Variants in LRRC37A3 observed in about 807,000 individuals in gnomAD.
LRRC37A3 encodes the protein leucine-rich repeat-containing protein 37A3.
In LRRC37A3, 25 loss-of-function variants were observed where a neutral mutation model predicts 106.2. The observed-to-expected ratio is 0.24, with a 90% CI of 0.17 to 0.33. The LOEUF (loss-of-function observed/expected upper bound fraction) is 0.33. Ranked by LOEUF, LRRC37A3 falls within the 10% of genes least tolerant of loss-of-function variation. The probability of loss-of-function intolerance (pLI) is 1.00; values close to 1 mark genes in which losing one functional copy is unlikely to be tolerated. For synonymous variants in LRRC37A3, 305 were observed against 635.8 expected, an observed-to-expected ratio of 0.48 and a Z score of 7.83; for missense variants, 712 against 1,644.9, an observed-to-expected ratio of 0.43 and a Z score of 9.81.
chr17:64,916,544 A>G (rs1229146449), intron 2 of LRRC37A3, among the ~76,000 whole-genome samples: 1 of 150,228 alleles, frequency 6.7e-6, no homozygotes, highest in African/African-American at 2.4e-5. Flanking sequence ...TGGGAGGCCG[A>G]GGCAGGCAGA....
At position 64,919,441 on chromosome 17, in the gene LRRC37A3, C is replaced by T. The variant is rs138173527; in HGVS notation, c.-627G>A. The T allele has an allele frequency of 0.011, 5,134 of 477,318 alleles. 13 individuals are homozygous for T. The highest frequency in any genetic ancestry group is 0.015 in the Non-Finnish European group (3,939 of 268,502). 29.6% of individuals were successfully genotyped at this position (477,318 alleles called of 1,614,324 possible). A position where few individuals can be genotyped will look rare whatever the true frequency, so the allele number is the denominator to read the frequency against. On this transcript the variant is annotated 5_prime_UTR_variant, in exon 1 of 15. Coordinates refer to ENST00000584306, the MANE Select transcript of LRRC37A3 (RefSeq NM_199340.5). Reference sequence around the variant, plus strand: ...TGGCTGGGGCCTCACTGCGGATCGCCTTCAGCCGCCATCTTGTTTCTTCCG... The same window carrying T: ...TGGCTGGGGCCTCACTGCGGATCGCTTTCAGCCGCCATCTTGTTTCTTCCG...
intron 2 of LRRC37A3, among the ~76,000 whole-genome samples, chr17:64,899,349 G>A (rs1396730391): frequency 6.8e-6 from 1 of 146,940 alleles, no homozygotes; most frequent in Non-Finnish European, 1.5e-5. Context: ...GAACCTGGGA[G>A]GTGGAGGTTG....
Position 64,876,413 on chromosome 17 carries a change from G to A in LRRC37A3, c.2907-7247C>T, listed in dbSNP as rs553443110. ...TTGCCCTGGCTGGCCTTGAACTCCT[G>A]GGGTCAAGCAATCCTCCCACCGCAG... On this transcript the variant is annotated intron_variant, in intron 8 of 14. Coordinates refer to ENST00000584306, the MANE Select transcript of LRRC37A3 (RefSeq NM_199340.5). 3.3e-5 allele frequency among the ~76,000 whole-genome samples: 5 copies of A among 152,168 alleles called. No individual in the cohort carries two copies. In the East Asian group the frequency reaches 9.6e-4, roughly 29 times the overall value.
chr17:64,858,368 C>A (rs1972751094), intron 13 of LRRC37A3, among the ~76,000 whole-genome samples: 1 of 152,214 alleles, frequency 6.6e-6, no homozygotes. Flanking sequence ...TTTTGGCTCT[C>A]TCCTTCCTCT....
At chr17:64,919,002 C>CTGGTGCTGGGG in intron 1 of LRRC37A3, 132 bp from the exon 2 acceptor site, 4 of 1,222,432 alleles carry the variant, frequency 3.3e-6, no homozygotes, top group Non-Finnish European at 4.1e-6. Context: ...GGCCGGGGCG[C>CTGGTGCTGGGG]TGGTGCTGGG....
intron 2 of LRRC37A3, among the ~76,000 whole-genome samples, chr17:64,916,545 G>A (rs1598440134): frequency 6.6e-6 from 1 of 150,854 alleles, no homozygotes; most frequent in Non-Finnish European, 1.5e-5. Context: ...GGGAGGCCGA[G>A]GCAGGCAGAT....
intron 2 of LRRC37A3, among the ~76,000 whole-genome samples, chr17:64,911,162 G>A (rs1202350023): frequency 9.3e-5 from 14 of 151,274 alleles, no homozygotes; most frequent in Non-Finnish European, 1.9e-4. Context: ...AGCTTAAGAG[G>A]AGAAACAACC....
chr17:64,870,638 G>T (rs1009018804), intron 8 of LRRC37A3, among the ~76,000 whole-genome samples: 1 of 152,128 alleles, frequency 6.6e-6, no homozygotes, highest in Admixed American at 6.5e-5. Flanking sequence ...GCACAGAGAG[G>T]TTATATAACT....
chr17:64,865,453 C>T lies in LRRC37A3; in HGVS notation c.3054-2435G>A, dbSNP rs565429555. On this transcript the variant is annotated intron_variant, in intron 10 of 14. Coordinates refer to ENST00000584306, the MANE Select transcript of LRRC37A3 (RefSeq NM_199340.5). ...GCCCAAAATTTTTGTTATTCTTTTT[C>T]TGCCCCCAACTTTTTATTTTAAACA... is the stretch of plus-strand genomic sequence containing the variant. Among the ~76,000 whole-genome samples the T allele has an allele frequency of 1.4e-4, 22 of 152,324 alleles. No homozygotes were observed. In the South Asian group the frequency reaches 2.3e-3, roughly 16 times the overall value.
At chr17:64,878,002 T>C (rs949552123) in intron 8 of LRRC37A3, among the ~76,000 whole-genome samples, 2 of 152,112 alleles carry the variant, frequency 1.3e-5, no homozygotes, top group African/African-American at 4.8e-5. Flanking sequence ...ATTATAAGAA[T>C]TGATGCAAAA....
intron 8 of LRRC37A3, among the ~76,000 whole-genome samples, chr17:64,873,730 G>C (rs1368713213): frequency 6.6e-6 from 1 of 151,556 alleles, no homozygotes; most frequent in East Asian, 1.9e-4. Context: ...GGTTAATTGA[G>C]ATTGTTGACT....
At position 64,859,896 on chromosome 17, in the gene LRRC37A3, G is replaced by C. The variant is rs779916052; in HGVS notation, c.4250C>G (p.Thr1417Arg). ...NMPEGTISENTNYNHPPEADS... is the reference protein window; with the variant it reads ...NMPEGTISENRNYNHPPEADS... Reference sequence around the variant, plus strand: ...TGCCTCAGGAGGATGATTGTAGTTTGTGTTTTCAGAGATGGTTCCTTCTGG... The same window carrying C: ...TGCCTCAGGAGGATGATTGTAGTTTCTGTTTTCAGAGATGGTTCCTTCTGG... Residue 1417 changes from threonine (T) to arginine (R), a missense_variant, in exon 12 of 15, where the codon ACA (threonine) becomes AGA (arginine). Coordinates refer to ENST00000584306, the MANE Select transcript of LRRC37A3 (RefSeq NM_199340.5). 1 of 1,613,572 alleles carries C rather than the reference G, an allele frequency of 6.2e-7. No homozygotes were observed. Among genetic ancestry groups the C allele is most frequent in the Admixed American group, 1.7e-5 (1 of 60,008 alleles).
intron 11 of LRRC37A3, among the ~76,000 whole-genome samples, chr17:64,862,266 C>G (rs1182832853): frequency 6.6e-6 from 1 of 152,070 alleles, no homozygotes; most frequent in Non-Finnish European, 1.5e-5. Flanking sequence ...GCTAATAAAC[C>G]TAATCTACAA....
At chr17:64,916,505 G>A (rs1974703532) in intron 2 of LRRC37A3, among the ~76,000 whole-genome samples, 1 of 151,596 alleles carries the variant, frequency 6.6e-6, no homozygotes, top group Admixed American at 6.6e-5. Context: ...GGCCAGGCAT[G>A]GTGGCTCATG....
intron 12 of LRRC37A3, 102 bp downstream of exon 12, chr17:64,859,340 T>C (rs1014342750): frequency 3.1e-6 from 4 of 1,273,930 alleles, no homozygotes; most frequent in African/African-American, 1.5e-5. Context: ...ATGGCCAAGA[T>C]AAGCTATGGC....
rs546222488 is a variant in LRRC37A3 at position 64,865,776 on chromosome 17, C to T, written c.3053+2686G>A. ...CTTCATATTATCATTGTCTACTATG[C>T]GGTCCGTATACACATTTTCACAATT... On this transcript the variant is annotated intron_variant, in intron 10 of 14. Coordinates refer to ENST00000584306, the MANE Select transcript of LRRC37A3 (RefSeq NM_199340.5). Among the ~76,000 whole-genome samples, 573 of 152,292 alleles carry T rather than the reference C, an allele frequency of 3.8e-3. 4 individuals are homozygous for T. Among genetic ancestry groups the T allele is most frequent in the African/African-American group, 0.013 (530 of 41,554 alleles).
chr17:64,890,311 C>T (rs1477080299), intron 5 of LRRC37A3, among the ~76,000 whole-genome samples: 1 of 128,084 alleles, frequency 7.8e-6, no homozygotes, highest in Non-Finnish European at 1.5e-5. Context: ...TCAAGTGATC[C>T]TCCTGTGTCT....
chr17:64,855,716 C>G (rs1326705279), intron 14 of LRRC37A3, 124 bp downstream of exon 14: 2 of 1,484,254 alleles, frequency 1.3e-6, no homozygotes, highest in East Asian at 5.0e-5. Context: ...GCAGGAGAAT[C>G]GCTTGAACCT....
intron 8 of LRRC37A3, among the ~76,000 whole-genome samples, chr17:64,872,182 T>A (rs1373826813): frequency 3.1e-3 from 62 of 20,276 alleles, no homozygotes; most frequent in South Asian, 7.3e-3. Context: ...CATCCCTTCA[T>A]AAAAGCAACA....
Sources: gnomAD v4.1 joint callset for allele counts (sites outside exome capture counted in the v4.1 genomes callset) on GRCh38, gnomAD v4.1.1 for gene constraint, MANE v1.5 for transcripts, NCBI Gene and HGNC (gene_info 2026-07-23, HGNC 2026-07-21) for gene names.